Variants in PROCR observed in about 807,000 individuals in gnomAD.
PROCR encodes the protein endothelial protein C receptor.
PROCR carries 22 observed loss-of-function variants against 24.2 expected under a neutral mutation model. The ratio of observed to expected loss-of-function variants is 0.91; its 90% CI spans 0.65 to 1.30. PROCR has a LOEUF of 1.30. Among genes scored for constraint, PROCR ranks in the 50% most tolerant of loss-of-function variants. The pLI is 0.00. For synonymous variants in PROCR, 137 were observed against 139.2 expected (o/e 0.98, Z 0.11); for missense variants, 288 against 307.7 (o/e 0.94, Z 0.48).
rs539992650 is a variant in PROCR, at chr20:35,203,593, G to T, written c.95-12300G>T. Among the ~76,000 whole-genome samples, 402 of 150,500 alleles carry T rather than the reference G, an allele frequency of 2.7e-3. No individual in the cohort carries two copies. The Middle Eastern group carries it at 0.031, about 12-fold the overall frequency. On this transcript the variant is annotated intron_variant, in intron 1 of 1. Coordinates refer to the PROCR transcript ENST00000634509. ...GATCGCACCACTGCACTCCAGCCTG[G>T]GTAACAGAACAAGACTCTGTCTCAA...
intron 1 of PROCR, among the ~76,000 whole-genome samples, chr20:35,187,203 T>C (rs2086135774): frequency 6.8e-6 from 1 of 146,024 alleles, no homozygotes; most frequent in African/African-American, 2.6e-5. Flanking sequence ...GGCATGCACC[T>C]CCAAGCCTGC....
chr20:35,178,507 G>GTTTTGTTTTTGTTT (rs1272557859), downstream of PROCR, among the ~76,000 whole-genome samples: 1 of 34,372 alleles, frequency 2.9e-5, no homozygotes, highest in African/African-American at 1.8e-4. Flanking sequence ...TCAAGTCTCA[G>GTTTTGTTTTTGTTT]TTTTTTTTTT....
intron 2 of PROCR, 87 bp downstream of exon 2, chr20:35,175,040 G>C: frequency 9.0e-7 from 1 of 1,115,988 alleles, no homozygotes; most frequent in Non-Finnish European, 1.2e-6. Context: ...GGCGGATGGA[G>C]GCGGGCTGGG....
At chr20:35,172,065 G>C (rs533781627), upstream of PROCR, 3 of 1,216,744 alleles carry the variant, frequency 2.5e-6, no homozygotes, top group East Asian at 7.0e-5. Flanking sequence ...CCTCCCAGAC[G>C]GTCCTCACTT....
Position 35,176,732 on chromosome 20 carries a change from C to T in PROCR, c.636C>T (p.Val212=), listed in dbSNP as rs2086023410. Residue 212 remains valine (V), a synonymous_variant, in exon 4 of 4, where the codon GTC becomes GTT. Transcript: ENST00000216968. ...CAAGCCGCTCCTACACTTCGCTGGT[C>T]CTGGGCGTCCTGGTGGGCAGTTTCA... ...SQTSRSYTSL[V]LGVLVGSFII... is the part of the protein sequence containing the mutation. The T allele has an allele frequency of 6.2e-7, 1 of 1,613,454 alleles. No individual in the cohort carries two copies. The highest frequency in any genetic ancestry group is 1.1e-5 in the South Asian group (1 of 90,908).
chr20:35,173,995 C>A (rs1355074889), intron 1 of PROCR, among the ~76,000 whole-genome samples: 3 of 152,184 alleles, frequency 2.0e-5, no homozygotes, highest in African/African-American at 7.2e-5. Context: ...TGCCTACGTG[C>A]AAACCTTGGC....
At chr20:35,180,837 TTTTGTTGTTG>T (rs1683565626), downstream of PROCR, among the ~76,000 whole-genome samples, 1 of 151,292 alleles carries the variant, frequency 6.6e-6, no homozygotes, top group Non-Finnish European at 1.5e-5. Flanking sequence ...TTATTCCGTT[TTTTGTTGTTG>T]TTTGTTTTTT....
At chr20:35,196,544 A>G (rs2086218330) in intron 1 of PROCR, among the ~76,000 whole-genome samples, 1 of 152,226 alleles carries the variant, frequency 6.6e-6, no homozygotes, top group Admixed American at 6.5e-5. Flanking sequence ...ATCAGAGACC[A>G]TGGAAGCCAG....
chr20:35,201,090 T>C (rs1456076105), intron 1 of PROCR, among the ~76,000 whole-genome samples: 2 of 152,156 alleles, frequency 1.3e-5, no homozygotes. Context: ...GTCAGTGTTT[T>C]ACTTGAAGTG....
chr20:35,183,347 T>C (rs1016584766), intron 1 of PROCR, among the ~76,000 whole-genome samples: 7 of 152,148 alleles, frequency 4.6e-5, no homozygotes, highest in African/African-American at 1.7e-4. Flanking sequence ...TCAGTTAGAT[T>C]ACACATGAGA....
chr20:35,205,718 T>C (rs2060336065), intron 1 of PROCR, among the ~76,000 whole-genome samples: 1 of 138,644 alleles, frequency 7.2e-6, no homozygotes, highest in Non-Finnish European at 1.5e-5. Flanking sequence ...GCCATTGCAC[T>C]CCAGCCTGGG....
At chr20:35,183,092 G>A (rs200153062) in intron 1 of PROCR, among the ~76,000 whole-genome samples, 10 of 151,794 alleles carry the variant, frequency 6.6e-5, no homozygotes, top group East Asian at 5.8e-4. Context: ...TGTAACTTGC[G>A]TTTATCATTT....
At chr20:35,212,376 T>C (rs1425698384) in intron 1 of PROCR, among the ~76,000 whole-genome samples, 1 of 152,242 alleles carries the variant, frequency 6.6e-6, no homozygotes, top group Non-Finnish European at 1.5e-5. Context: ...ACGCTTGTTT[T>C]AATGTTCTGC....
chr20:35,194,159 T>G (rs181340377), intron 1 of PROCR, among the ~76,000 whole-genome samples: 2 of 152,260 alleles, frequency 1.3e-5, no homozygotes, highest in East Asian at 3.9e-4. Flanking sequence ...GTTTTGGTGG[T>G]GTGGTAGGGA....
intron 1 of PROCR, among the ~76,000 whole-genome samples, chr20:35,184,657 G>A (rs1168149073): frequency 2.6e-5 from 4 of 152,038 alleles, no homozygotes; most frequent in Non-Finnish European, 4.4e-5. Flanking sequence ...CTGAGATGAC[G>A]CCACTGCACT....
chr20:35,175,786 A>C (rs1244491842), intron 2 of PROCR, among the ~76,000 whole-genome samples: 1 of 151,464 alleles, frequency 6.6e-6, no homozygotes, highest in Non-Finnish European at 1.5e-5. Context: ...GGGTTTCGCC[A>C]TGTTGGCCAG....
At chr20:35,194,774 T>A (rs967312846) in intron 1 of PROCR, among the ~76,000 whole-genome samples, 1 of 69,446 alleles carries the variant, frequency 1.4e-5, no homozygotes, top group Non-Finnish European at 2.6e-5. Flanking sequence ...GAAAATGAAC[T>A]GACACTGCAA....
At chr20:35,177,821 A>G (rs1056231832), downstream of PROCR, among the ~76,000 whole-genome samples, 1 of 152,102 alleles carries the variant, frequency 6.6e-6, no homozygotes, top group Non-Finnish European at 1.5e-5. Flanking sequence ...CCATCACCCT[A>G]CATGGTATCT....
intron 1 of PROCR, among the ~76,000 whole-genome samples, chr20:35,188,192 A>T (rs966709801): frequency 1.3e-5 from 2 of 152,196 alleles, no homozygotes; most frequent in Non-Finnish European, 1.5e-5. Flanking sequence ...GTTGCTGAGG[A>T]CTGTTTTATG....
Sources: allele counts gnomAD v4.1 joint callset (sites outside exome capture counted in the v4.1 genomes callset), GRCh38; gene constraint gnomAD v4.1.1; transcripts MANE v1.5; gene names NCBI Gene and HGNC (gene_info 2026-07-23, HGNC 2026-07-21).